MARCHF3: variants seen among roughly 807,000 people sequenced by gnomAD.
MARCHF3 encodes membrane associated ring-CH-type finger 3.
A neutral mutation model predicts 24.2 loss-of-function variants in MARCHF3; 13 were observed. The ratio of observed to expected loss-of-function variants is 0.54; its 90% CI spans 0.35 to 0.85. MARCHF3 has a LOEUF of 0.85. MARCHF3 is among the 40% of genes least tolerant of loss of function. MARCHF3 has a pLI of 0.01. For synonymous variants in MARCHF3, 144 were observed against 137.3 expected (o/e 1.05, Z -0.34); for missense variants, 276 against 325.0 (o/e 0.85, Z 1.16).
At chr5:127,007,541 C>G (rs911514199) in intron 1 of MARCHF3, among the ~76,000 whole-genome samples, 1 of 152,030 alleles carries the variant, frequency 6.6e-6, no homozygotes, top group African/African-American at 2.4e-5. Context: ...CCAATATATT[C>G]ATTCTTAATG....
chr5:126,913,976 CTTTTTTTTTTT>C (rs1169856446), intron 3 of MARCHF3, among the ~76,000 whole-genome samples: 6 of 107,904 alleles, frequency 5.6e-5, no homozygotes, highest in African/African-American at 1.2e-4. Context: ...CAATATCCAA[CTTTTTTTTTTT>C]TTTTTTTTTT....
intron 1 of MARCHF3, among the ~76,000 whole-genome samples, chr5:126,982,616 A>G (rs1751428470): frequency 6.6e-6 from 1 of 152,200 alleles, no homozygotes; most frequent in Non-Finnish European, 1.5e-5. Context: ...AAGGGGTAGT[A>G]GGACAAGCAA....
At chr5:126,876,565 T>A (rs1229099638) in intron 4 of MARCHF3, among the ~76,000 whole-genome samples, 1 of 152,166 alleles carries the variant, frequency 6.6e-6, no homozygotes, top group East Asian at 1.9e-4. Context: ...TCATTTCTTA[T>A]TTCTAACCCT....
chr5:127,020,721 C>G (rs531278708), intron 1 of MARCHF3, among the ~76,000 whole-genome samples: 1 of 151,860 alleles, frequency 6.6e-6, no homozygotes, highest in Non-Finnish European at 1.5e-5. Flanking sequence ...CATGGTAGCG[C>G]GCATTTGTGA....
chr5:127,024,828 C>T (rs1193783032), intron 1 of MARCHF3, among the ~76,000 whole-genome samples: 1 of 152,152 alleles, frequency 6.6e-6, no homozygotes, highest in African/African-American at 2.4e-5. Flanking sequence ...TATGATTTCA[C>T]AGCAAAAAGT....
chr5:126,969,205 G>T (rs1054710329), intron 1 of MARCHF3, among the ~76,000 whole-genome samples: 2 of 152,202 alleles, frequency 1.3e-5, no homozygotes, highest in Non-Finnish European at 2.9e-5. Flanking sequence ...GAAAGTAAGA[G>T]TGAGTAGATT....
intron 1 of MARCHF3, among the ~76,000 whole-genome samples, chr5:127,014,257 A>T (rs1186723984): frequency 6.6e-6 from 1 of 152,192 alleles, no homozygotes; most frequent in Non-Finnish European, 1.5e-5. Context: ...AAAAATGCTC[A>T]GCATCGCTGA....
chr5:126,954,934 T>A (rs1750390795), intron 1 of MARCHF3, among the ~76,000 whole-genome samples: 1 of 152,188 alleles, frequency 6.6e-6, no homozygotes, highest in Non-Finnish European at 1.5e-5. Flanking sequence ...ATAATTTTTG[T>A]GTTTTTCAGT....
rs1752914237 is a variant in MARCHF3 at position 126,870,093 on chromosome 5, G to A, written c.*540C>T. 2 of 152,394 alleles carry A rather than the reference G, an allele frequency of 1.3e-5. No individual in the cohort carries two copies. The highest frequency in any genetic ancestry group is 2.9e-5 in the Non-Finnish European group (2 of 68,016). The allele number at this position is 152,394 out of a possible 1,614,324, so 9.4% of individuals were successfully genotyped here. On this transcript the variant is annotated 3_prime_UTR_variant, in exon 5 of 5. Transcript: ENST00000308660. ...TGACTTGTTCTGCATCTGTTATGCT[G>A]TCTCCTTGAGTAATGGACGCGAAAG...
chr5:126,998,607 C>G (rs1752022996), intron 1 of MARCHF3, among the ~76,000 whole-genome samples: 1 of 152,146 alleles, frequency 6.6e-6, no homozygotes, highest in African/African-American at 2.4e-5. Flanking sequence ...GGAGAACAGG[C>G]AGGGAGGTGG....
Position 126,998,481 on chromosome 5 carries a change from CTT to C in MARCHF3, c.-57+31867_-57+31868del, listed in dbSNP as rs1342894428. 1.3e-3 allele frequency among the ~76,000 whole-genome samples: 194 copies of C among 152,340 alleles called. 1 individual carries two copies. Among genetic ancestry groups the C allele is most frequent in the African/African-American group, 4.5e-3 (187 of 41,596 alleles). ...TGGCCTTTCACCAACATGCTTGTTC[CTT>C]GACTTGGCTCTCAGCAAACCCCATG... On this transcript the variant is annotated intron_variant, in intron 1 of 4. Transcript: ENST00000308660.
chr5:126,922,603 G>A (rs1749152931), intron 1 of MARCHF3, among the ~76,000 whole-genome samples: 1 of 151,828 alleles, frequency 6.6e-6, no homozygotes, highest in East Asian at 1.9e-4. Flanking sequence ...CTGGAGTGCA[G>A]TGGCGTGATC....
At chr5:126,998,205 C>T (rs1282544625) in intron 1 of MARCHF3, among the ~76,000 whole-genome samples, 1 of 152,124 alleles carries the variant, frequency 6.6e-6, no homozygotes, top group Non-Finnish European at 1.5e-5. Flanking sequence ...TATGAAAATA[C>T]AAAGGCAGTG....
chr5:127,014,172 T>C (rs563969036), intron 1 of MARCHF3, among the ~76,000 whole-genome samples: 1 of 152,236 alleles, frequency 6.6e-6, no homozygotes, highest in East Asian at 1.9e-4. Flanking sequence ...ATATCCAGAA[T>C]ATACAGAGAA....
At chr5:127,026,938 C>T (rs1375596671) in intron 1 of MARCHF3, among the ~76,000 whole-genome samples, 1 of 152,202 alleles carries the variant, frequency 6.6e-6, no homozygotes, top group African/African-American at 2.4e-5. Context: ...ATACTTCTCA[C>T]CTCTGAAAGA....
intron 3 of MARCHF3, among the ~76,000 whole-genome samples, chr5:126,881,653 G>A (rs1753345150): frequency 6.6e-6 from 1 of 152,006 alleles, no homozygotes; most frequent in Admixed American, 6.6e-5. Context: ...CTAGTGGACA[G>A]AATGTATAGT....
intron 3 of MARCHF3, among the ~76,000 whole-genome samples, chr5:126,880,391 T>C (rs1753305512): frequency 6.6e-6 from 1 of 152,220 alleles, no homozygotes; most frequent in Admixed American, 6.5e-5. Flanking sequence ...AAATACTGCA[T>C]TATATTTAAT....
intron 1 of MARCHF3, among the ~76,000 whole-genome samples, chr5:126,926,730 GCTTA>G: frequency 6.6e-6 from 1 of 152,192 alleles, no homozygotes; most frequent in African/African-American, 2.4e-5. Context: ...CCACCCAGCT[GCTTA>G]TCAACAGGAG....
chr5:126,892,779 C>T (rs543524333), intron 3 of MARCHF3, among the ~76,000 whole-genome samples: 1 of 141,928 alleles, frequency 7.0e-6, no homozygotes, highest in South Asian at 2.4e-4. Flanking sequence ...GCCTGGCTTT[C>T]GTATCAGAAT....
Sources: gnomAD v4.1 joint callset for allele counts (sites outside exome capture counted in the v4.1 genomes callset) on GRCh38, gnomAD v4.1.1 for gene constraint, MANE v1.5 for transcripts, NCBI Gene and HGNC (gene_info 2026-07-23, HGNC 2026-07-21) for gene names.